Variants in ZDHHC11 observed in about 807,000 individuals in gnomAD.
ZDHHC11 encodes the protein zDHHC palmitoyltransferase 11.
Under a neutral mutation model 51.3 loss-of-function variants are expected in ZDHHC11, and 44 were observed. The observed-to-expected ratio is 0.86, with a 90% CI of 0.67 to 1.10. ZDHHC11 has a LOEUF of 1.10. Ranked by LOEUF, ZDHHC11 falls within the 50% of genes least tolerant of loss-of-function variation. ZDHHC11 has a pLI of 0.00. For missense variants in ZDHHC11, 400 were observed against 537.7 expected, an observed-to-expected ratio of 0.74 and a Z score of 2.53; for synonymous variants, 163 against 222.0, an observed-to-expected ratio of 0.73 and a Z score of 2.36.
At chr5:796,962 C>A (rs1420659837) in intron 12 of ZDHHC11, among the ~76,000 whole-genome samples, 1 of 151,890 alleles carries the variant, frequency 6.6e-6, no homozygotes, top group African/African-American at 2.4e-5. Flanking sequence ...AATCCCAGCA[C>A]TTTGGGAGTC....
chr5:839,504 T>C (rs2150387791), intron 5 of ZDHHC11: 1 of 149,258 alleles, frequency 6.7e-6, no homozygotes, highest in South Asian at 2.1e-4. Context: ...TAAAAAAAAT[T>C]CAACCCTCAG....
intron 11 of ZDHHC11, among the ~76,000 whole-genome samples, chr5:806,813 A>G (rs1277728901): frequency 6.6e-6 from 1 of 151,298 alleles, no homozygotes; most frequent in Non-Finnish European, 1.5e-5. Context: ...GAAGGCCACA[A>G]TAAGCCACCA....
Position 815,442 on chromosome 5 carries a change from G to C in ZDHHC11, c.1147-647C>G, listed in dbSNP as rs956814852. Among the ~76,000 whole-genome samples, 10 of 151,530 alleles carry C rather than the reference G, an allele frequency of 6.6e-5. 1 individual carries two copies. The highest frequency in any genetic ancestry group is 2.4e-4 in the African/African-American group (10 of 41,240). On this transcript the variant is annotated intron_variant, in intron 10 of 12. Transcript: ENST00000283441. ...GTGCTGGCTCATATGATAAGTACAT[G>C]CTCAGCATCTGAAGCTTTGCCAAAC...
chr5:845,427 C>T (rs1386817595), intron 3 of ZDHHC11, among the ~76,000 whole-genome samples: 1 of 148,426 alleles, frequency 6.7e-6, no homozygotes, highest in African/African-American at 2.6e-5. Flanking sequence ...CACGCGGGGC[C>T]TCCTCTCCCC....
At chr5:838,498 C>G (rs1425627481) in intron 5 of ZDHHC11, among the ~76,000 whole-genome samples, 1 of 151,966 alleles carries the variant, frequency 6.6e-6, no homozygotes, top group African/African-American at 2.4e-5. Flanking sequence ...TGTGGCCAGC[C>G]CAGCCTTCAC....
At chr5:806,067 G>C (rs777325489) in intron 11 of ZDHHC11, among the ~76,000 whole-genome samples, 1 of 151,300 alleles carries the variant, frequency 6.6e-6, no homozygotes, top group Non-Finnish European at 1.5e-5. Flanking sequence ...GGAGGTGCTG[G>C]AAAGGAAAGA....
chr5:818,133 T>C (rs764094055), intron 10 of ZDHHC11, among the ~76,000 whole-genome samples: 2 of 151,238 alleles, frequency 1.3e-5, no homozygotes, highest in Non-Finnish European at 3.0e-5. Flanking sequence ...CCAGGCCTCA[T>C]GTGGCTTCAC....
upstream of ZDHHC11, among the ~76,000 whole-genome samples, chr5:854,100 C>A (rs560973608): frequency 1.3e-5 from 2 of 150,558 alleles, no homozygotes; most frequent in Non-Finnish European, 3.0e-5. Flanking sequence ...GGGCACAGAC[C>A]CCACGGAGGA....
chr5:822,738 C>T (rs1312542867), intron 8 of ZDHHC11, among the ~76,000 whole-genome samples: 1 of 151,614 alleles, frequency 6.6e-6, no homozygotes, highest in Admixed American at 6.6e-5. Flanking sequence ...AACTCCTGGC[C>T]TCAAGGGATC....
Position 796,008 on chromosome 5 carries a change from T to TTTCTCAGTACTGTGCTCCCAC in ZDHHC11, c.*559_*579dup, listed in dbSNP as rs1234810310. On this transcript the variant is annotated 3_prime_UTR_variant, in exon 13 of 13. Transcript: ENST00000283441. ...CCCATTTCTCAGTAGTGTACTCCCATTTCTCAGTACTGTGCTCCCACTTCT... is the reference window on the plus strand; with the variant it reads ...CCCATTTCTCAGTAGTGTACTCCCATTTCTCAGTACTGTGCTCCCACTTCTCAGTACTGTGCTCCCACTTCT... 5 of 154,806 alleles carry TTTCTCAGTACTGTGCTCCCAC rather than the reference T, an allele frequency of 3.2e-5. No homozygotes were observed. Among genetic ancestry groups the TTTCTCAGTACTGTGCTCCCAC allele is most frequent in the Admixed American group, 6.6e-5 (1 of 15,196 alleles). 9.6% of individuals were successfully genotyped at this position (154,806 alleles called of 1,614,324 possible).
At chr5:852,211 T>C (rs943270111), upstream of ZDHHC11, among the ~76,000 whole-genome samples, 12 of 152,224 alleles carry the variant, frequency 7.9e-5, no homozygotes, top group South Asian at 2.1e-4. Context: ...CCAAGTCACA[T>C]TGGTAAAACC....
rs1380948218 is a variant in ZDHHC11, at chr5:815,623, T to C, written c.1147-828A>G. ...CTTTCATTGCTCTTGGGTAAGAATC[T>C]GGGGGTGAGAGTGTTGGGTCATATC... On this transcript the variant is annotated intron_variant, in intron 10 of 12. Coordinates refer to ENST00000283441, the MANE Select transcript of ZDHHC11 (RefSeq NM_024786.3). Among the ~76,000 whole-genome samples, 5 of 151,180 alleles carry C rather than the reference T, an allele frequency of 3.3e-5. 1 individual carries two copies. The highest frequency in any genetic ancestry group is 7.4e-5 in the Non-Finnish European group (5 of 67,602).
At chr5:842,042 G>C (rs1241328443) in intron 4 of ZDHHC11, 1 of 986,416 alleles carries the variant, frequency 1.0e-6, no homozygotes, top group Non-Finnish European at 1.2e-6. Flanking sequence ...ATGAGAAGAA[G>C]GAGCAGCTTT....
intron 11 of ZDHHC11, among the ~76,000 whole-genome samples, chr5:804,217 T>C (rs898618066): frequency 1.3e-5 from 2 of 151,284 alleles, no homozygotes; most frequent in African/African-American, 2.4e-5. Flanking sequence ...TAGTTCTCAG[T>C]AGCATGATGA....
At position 801,108 on chromosome 5, in the gene ZDHHC11, C is replaced by G. The variant is rs752019229; in HGVS notation, c.1238G>C (p.Ter413SerextTer9). The G allele has an allele frequency of 1.5e-5, 24 of 1,609,946 alleles. No homozygotes were observed. Among genetic ancestry groups the G allele is most frequent in the Non-Finnish European group, 2.0e-5 (24 of 1,176,822 alleles). ...MKTDSAESED* is the reference protein window; with the variant it reads ...MKTDSAESEDS ...ACTGCCACGTATCTTACCTGAATCT[C>G]AGTCTTCACTTTCAGCACTGTCAGT... Residue 413 changes from the stop codon to serine, a stop_lost, in exon 12 of 13, where the codon TGA becomes TCA. Coordinates refer to ENST00000283441, the MANE Select transcript of ZDHHC11 (RefSeq NM_024786.3).
At chr5:799,517 G>A (rs1263730895) in intron 12 of ZDHHC11, among the ~76,000 whole-genome samples, 1 of 151,624 alleles carries the variant, frequency 6.6e-6, no homozygotes, top group Non-Finnish European at 1.5e-5. Context: ...ACGGAAGGGA[G>A]TCCACAGCTC....
At chr5:802,389 T>C (rs1228177512) in intron 11 of ZDHHC11, among the ~76,000 whole-genome samples, 1 of 151,376 alleles carries the variant, frequency 6.6e-6, no homozygotes, top group African/African-American at 2.4e-5. Flanking sequence ...AAATAAAATA[T>C]TAATTTCAAA....
Position 811,235 on chromosome 5 carries a change from C to T in ZDHHC11, c.1181+3526G>A, listed in dbSNP as rs1740051825. Among the ~76,000 whole-genome samples, 3 of 138,808 alleles carry T rather than the reference C, an allele frequency of 2.2e-5. 1 individual carries two copies. In the Admixed American group the frequency reaches 2.2e-4, roughly 10 times the overall value. 91.1% of individuals were successfully genotyped at this position (138,808 alleles called of 152,430 possible). A position where few individuals can be genotyped will look rare whatever the true frequency, so the allele number is the denominator to read the frequency against. ...AAGGAGAAAATGTCTTAGTTTTTAC[C>T]TAATAATAGAACCATAGGCTATACT... On this transcript the variant is annotated intron_variant, in intron 11 of 12. Transcript: ENST00000283441.
At chr5:837,722 G>A (rs1744099205) in intron 5 of ZDHHC11, among the ~76,000 whole-genome samples, 2 of 152,010 alleles carry the variant, frequency 1.3e-5, no homozygotes, top group Admixed American at 6.5e-5. Flanking sequence ...GAACAGTGCT[G>A]ACCCACGCCC....
Sources: gnomAD v4.1 joint callset for allele counts (sites outside exome capture counted in the v4.1 genomes callset) on GRCh38, gnomAD v4.1.1 for gene constraint, MANE v1.5 for transcripts, NCBI Gene and HGNC (gene_info 2026-07-23, HGNC 2026-07-21) for gene names.